OPCML: variants seen among roughly 807,000 people sequenced by gnomAD.
OPCML encodes the protein opioid binding protein/cell adhesion molecule like, also known as opioid-binding protein/cell adhesion molecule.
OPCML carries 13 observed loss-of-function variants against 37.8 expected under a neutral mutation model. The ratio of observed to expected loss-of-function variants is 0.34; its 90% CI spans 0.22 to 0.55. OPCML has a LOEUF of 0.55. Ranked by LOEUF, OPCML falls within the 20% of genes least tolerant of loss-of-function variation. The pLI is 0.91. For synonymous variants in OPCML, 176 were observed against 168.8 expected (o/e 1.04, Z -0.33); for missense variants, 341 against 435.6 (o/e 0.78, Z 1.93).
chr11:132,485,255 A>G (rs1462617415), intron 4 of OPCML, among the ~76,000 whole-genome samples: 1 of 152,190 alleles, frequency 6.6e-6, no homozygotes, highest in Non-Finnish European at 1.5e-5. Flanking sequence ...GCATGCATTT[A>G]CCTCATAAAT....
intron 1 of OPCML, among the ~76,000 whole-genome samples, chr11:133,213,769 A>G (rs1939471037): frequency 6.6e-6 from 1 of 152,190 alleles, no homozygotes; most frequent in Admixed American, 6.5e-5. Flanking sequence ...AGACATGTTT[A>G]ATGTTTAAAT....
chr11:133,199,247 G>A (rs1278542876), intron 1 of OPCML, among the ~76,000 whole-genome samples: 2 of 152,082 alleles, frequency 1.3e-5, no homozygotes, highest in African/African-American at 2.4e-5. Context: ...TTCTTTAGAG[G>A]ATCTTACAAT....
chr11:133,484,733 A>G (rs1947491174), intron 1 of OPCML, among the ~76,000 whole-genome samples: 1 of 152,196 alleles, frequency 6.6e-6, no homozygotes. Context: ...AAATTGTACC[A>G]TATCCAAGTA....
intron 1 of OPCML, among the ~76,000 whole-genome samples, chr11:133,253,813 TCCTTCCCTTCCCTTCCATTCCCTTC>T (rs1381734787): frequency 3.7e-4 from 50 of 136,702 alleles, no homozygotes; most frequent in African/African-American, 1.4e-3. Flanking sequence ...CCTTTTTCCC[TCCTTCCCTTCCCTTCCATTCCCTTC>T]CCTTCCCTTC....
chr11:133,203,934 T>A (rs1207211141), intron 1 of OPCML, among the ~76,000 whole-genome samples: 3 of 151,682 alleles, frequency 2.0e-5, no homozygotes, highest in Admixed American at 2.0e-4. Context: ...GGTGGGCACC[T>A]GTGGTCCCAG....
At chr11:133,506,126 A>G (rs1310826562) in intron 1 of OPCML, among the ~76,000 whole-genome samples, 1 of 152,202 alleles carries the variant, frequency 6.6e-6, no homozygotes, top group Non-Finnish European at 1.5e-5. Context: ...ACCTGGACCC[A>G]CACATTCTGT....
intron 4 of OPCML, among the ~76,000 whole-genome samples, chr11:132,517,083 C>T (rs139826362): frequency 9.3e-4 from 142 of 152,120 alleles, no homozygotes; most frequent in Non-Finnish European, 1.7e-3. Context: ...GTACCATGTA[C>T]GTGTCTCCCC....
chr11:133,425,805 C>A (rs1275035590), intron 1 of OPCML, among the ~76,000 whole-genome samples: 3 of 152,142 alleles, frequency 2.0e-5, no homozygotes, highest in African/African-American at 7.2e-5. Context: ...ATACATTCAT[C>A]TCCTTGATTT....
At chr11:133,133,927 C>T (rs1022742769) in intron 1 of OPCML, among the ~76,000 whole-genome samples, 1 of 152,122 alleles carries the variant, frequency 6.6e-6, no homozygotes, top group Non-Finnish European at 1.5e-5. Flanking sequence ...GTTAATGATT[C>T]AACATGAAAC....
intron 3 of OPCML, among the ~76,000 whole-genome samples, chr11:132,643,290 C>A (rs902542762): frequency 1.3e-5 from 2 of 152,174 alleles, no homozygotes; most frequent in Non-Finnish European, 2.9e-5. Context: ...AAAAGAAAAG[C>A]TGGCTCCTGC....
chr11:132,813,071 C>A (rs950550422), intron 2 of OPCML, among the ~76,000 whole-genome samples: 1 of 151,968 alleles, frequency 6.6e-6, no homozygotes, highest in African/African-American at 2.4e-5. Flanking sequence ...TAAAATATTC[C>A]CTTTTGATTC....
chr11:133,140,528 TAATAAGAAGAAGAAG>T (rs1309367231), intron 1 of OPCML, among the ~76,000 whole-genome samples: 18 of 61,280 alleles, frequency 2.9e-4, no homozygotes, highest in African/African-American at 9.4e-4. Flanking sequence ...ATAATAATAA[TAATAAGAAGAAGAAG>T]AAGAAGAAGA....
chr11:132,421,644 A>G (rs953232346), intron 7 of OPCML, among the ~76,000 whole-genome samples: 1 of 152,216 alleles, frequency 6.6e-6, no homozygotes, highest in Non-Finnish European at 1.5e-5. Flanking sequence ...TTATGGACTA[A>G]AAGTCATATT....
At chr11:133,000,551 C>A (rs1374478127) in intron 1 of OPCML, among the ~76,000 whole-genome samples, 2 of 152,186 alleles carry the variant, frequency 1.3e-5, no homozygotes, top group Non-Finnish European at 2.9e-5. Context: ...GGAGGAAATC[C>A]TTAATGTATA....
At chr11:132,995,275 T>A (rs1319821102) in intron 1 of OPCML, among the ~76,000 whole-genome samples, 1 of 152,186 alleles carries the variant, frequency 6.6e-6, no homozygotes, top group Non-Finnish European at 1.5e-5. Flanking sequence ...ACAACCCAAA[T>A]GAACTGTGCT....
intron 1 of OPCML, chr11:133,066,880 T>C: frequency 6.6e-6 from 1 of 152,102 alleles, no homozygotes; most frequent in African/African-American, 2.4e-5. Context: ...GGTTTCACAA[T>C]GTTGGCCATG....
At chr11:133,155,540 C>T (rs1950046926) in intron 1 of OPCML, among the ~76,000 whole-genome samples, 2 of 152,128 alleles carry the variant, frequency 1.3e-5, no homozygotes. Flanking sequence ...TTCTACAATT[C>T]CTTGCATGCA....
chr11:133,314,713 C>A lies in OPCML; in HGVS notation c.61+217551G>T, dbSNP rs112372471. Among the ~76,000 whole-genome samples, 33 of 152,322 alleles carry A rather than the reference C, an allele frequency of 2.2e-4. No homozygotes were observed. The South Asian group carries it at 5.6e-3, about 26-fold the overall frequency. On this transcript the variant is annotated intron_variant, in intron 1 of 7. Transcript: ENST00000524381. ...CAGCCCTCGACTCAATGGTCTCCCC[C>A]ACAGAACCATCAGGCACGCCTGGCC...
intron 1 of OPCML, among the ~76,000 whole-genome samples, chr11:133,307,544 C>T (rs1220522873): frequency 1.3e-5 from 2 of 152,136 alleles, no homozygotes; most frequent in Non-Finnish European, 2.9e-5. Context: ...TTGGCTGTCC[C>T]CATGACCATG....
Sources: allele counts gnomAD v4.1 joint callset (sites outside exome capture counted in the v4.1 genomes callset), GRCh38; gene constraint gnomAD v4.1.1; transcripts MANE v1.5; gene names NCBI Gene and HGNC (gene_info 2026-07-23, HGNC 2026-07-21).